Variants in ATP5MC2 observed in about 807,000 individuals in gnomAD.
The protein encoded by ATP5MC2 is ATP synthase membrane subunit c locus 2, also known as ATP synthase F(0) complex subunit C2, mitochondrial.
A neutral mutation model predicts 13.5 loss-of-function variants in ATP5MC2; 11 were observed. The ratio of observed to expected loss-of-function variants is 0.81; its 90% confidence interval spans 0.51 to 1.35. The LOEUF (loss-of-function observed/expected upper bound fraction) is 1.35, where lower values mean the gene tolerates loss of function less well. ATP5MC2 is among the 40% of genes most tolerant of loss of function. The pLI is 0.00. For synonymous variants in ATP5MC2, 64 were observed against 69.7 expected, an observed-to-expected ratio of 0.92 and a Z score of 0.41; for missense variants, 132 against 175.0, an observed-to-expected ratio of 0.75 and a Z score of 1.39.
chr12:53,671,792 G>A (rs772307293), intron 2 of ATP5MC2, among the ~76,000 whole-genome samples: 8 of 152,136 alleles, frequency 5.3e-5, no homozygotes, highest in Non-Finnish European at 1.2e-4. Context: ...AGCAATTTAG[G>A]AGGCCGAGGA....
chr12:53,672,107 T>TAAAAAAAAAAAA (rs1945116028), intron 2 of ATP5MC2, among the ~76,000 whole-genome samples: 1 of 78,248 alleles, frequency 1.3e-5, no homozygotes, highest in African/African-American at 6.1e-5. Context: ...AAAAAAAAAT[T>TAAAAAAAAAAAA]AACTGGCCGC....
At chr12:53,676,008 C>T in intron 1 of ATP5MC2, 45 bp downstream of exon 1, 2 of 1,598,622 alleles carry the variant, frequency 1.3e-6, no homozygotes, top group Middle Eastern at 2.1e-4. Context: ...AGGTGTCCCG[C>T]GCGCGTGCGC....
rs1197403098 is a variant in ATP5MC2, at chr12:53,665,374, G to A, written c.366C>T (p.Leu122=). 2 of 1,614,140 alleles carry A rather than the reference G, an allele frequency of 1.2e-6. No homozygotes were observed. Among genetic ancestry groups the A allele is most frequent in the East Asian group, 4.5e-5 (2 of 44,890 alleles). The stretch of plus-strand genomic sequence containing the variant: ...GACAAAAGAGCCCCATGGCCTCCGA[G>A]AGGGCAAAGCCCAGAATGGCGTAGG... ...LFSYAILGFA[L]SEAMGLFCLM... Residue 122 remains leucine, a synonymous_variant, in exon 5 of 5, where the codon CTC becomes CTT. Coordinates refer to ENST00000394349, the MANE Select transcript of ATP5MC2 (RefSeq NM_005176.7).
At chr12:53,668,385 C>T (rs1427313659) in intron 4 of ATP5MC2, among the ~76,000 whole-genome samples, 4 of 151,660 alleles carry the variant, frequency 2.6e-5, no homozygotes, top group Non-Finnish European at 5.9e-5. Flanking sequence ...CTCACTGCAA[C>T]CTCCACCTCC....
intron 4 of ATP5MC2, among the ~76,000 whole-genome samples, chr12:53,667,698 T>C (rs1009882215): frequency 1.2e-4 from 18 of 151,894 alleles, no homozygotes; most frequent in African/African-American, 4.1e-4. Flanking sequence ...GGTTTCACCA[T>C]GTTGGCCAGG....
upstream of ATP5MC2, among the ~76,000 whole-genome samples, chr12:53,680,041 G>A (rs538331396): frequency 1.3e-4 from 20 of 152,124 alleles, no homozygotes; most frequent in African/African-American, 1.9e-4. Context: ...GCTGGGGTGC[G>A]GTGACACGAT....
chr12:53,667,194 A>G (rs1373212668), intron 4 of ATP5MC2, among the ~76,000 whole-genome samples: 1 of 152,224 alleles, frequency 6.6e-6, no homozygotes, highest in Non-Finnish European at 1.5e-5. Context: ...AGACATTAAG[A>G]GAACTTCCTG....
At chr12:53,666,083 G>A (rs190635964) in intron 4 of ATP5MC2, among the ~76,000 whole-genome samples, 24 of 150,404 alleles carry the variant, frequency 1.6e-4, no homozygotes, top group African/African-American at 4.4e-4. Context: ...CAAAGCAGGC[G>A]GATCACTTGA....
intron 3 of ATP5MC2, 33 bp downstream of exon 3, chr12:53,669,838 C>T (rs1467815228): frequency 1.2e-6 from 2 of 1,611,632 alleles, no homozygotes; most frequent in Non-Finnish European, 1.7e-6. Context: ...CCATCACCCC[C>T]AAAACCACAG....
intron 4 of ATP5MC2, among the ~76,000 whole-genome samples, chr12:53,666,868 C>A (rs925894180): frequency 3.3e-5 from 5 of 151,034 alleles, no homozygotes; most frequent in Non-Finnish European, 7.4e-5. Flanking sequence ...ATCATTTGAA[C>A]CCGGGAGGCA....
chr12:53,675,994 G>A (rs1048710095), intron 1 of ATP5MC2, 59 bp downstream of exon 1: 5 of 1,589,884 alleles, frequency 3.1e-6, no homozygotes, highest in Non-Finnish European at 3.4e-6. Context: ...ATCCGCGCAA[G>A]GTGAGGTGTC....
chr12:53,680,920 G>A (rs917648573), upstream of ATP5MC2, among the ~76,000 whole-genome samples: 4 of 151,810 alleles, frequency 2.6e-5, no homozygotes, highest in Non-Finnish European at 5.9e-5. Flanking sequence ...TTATTTTTGT[G>A]GGGGAGGTGG....
intron 4 of ATP5MC2, among the ~76,000 whole-genome samples, chr12:53,667,956 C>CATATATATATATATATATATATAT (rs772110168): frequency 1.8e-4 from 12 of 67,362 alleles, no homozygotes; most frequent in Non-Finnish European, 3.1e-4. Context: ...CATACACACA[C>CATATATATATATATATATATATAT]ATATATATAT....
At chr12:53,676,323 T>TGGACTGCAGTTTGGTCTGTACCGC, upstream of ATP5MC2, 1 of 1,392,890 alleles carries the variant, frequency 7.2e-7, no homozygotes, top group Non-Finnish European at 9.7e-7. Flanking sequence ...ATCCGTAACG[T>TGGACTGCAGTTTGGTCTGTACCGC]GGACTGCGGT....
upstream of ATP5MC2, among the ~76,000 whole-genome samples, chr12:53,679,142 C>T (rs140996379): frequency 3.8e-4 from 57 of 151,250 alleles, no homozygotes; most frequent in African/African-American, 1.4e-3. Context: ...TTTCTTTGGA[C>T]AAGAAACCAT....
upstream of ATP5MC2, among the ~76,000 whole-genome samples, chr12:53,679,778 A>G (rs1350452197): frequency 6.6e-6 from 1 of 152,176 alleles, no homozygotes; most frequent in Non-Finnish European, 1.5e-5. Flanking sequence ...TTCCTTGCTA[A>G]ATCAATTCCC....
chr12:53,670,119 A>G (rs761078549), intron 2 of ATP5MC2, 171 bp from the exon 3 acceptor site: 9 of 669,952 alleles, frequency 1.3e-5, no homozygotes, highest in Non-Finnish European at 2.2e-5. Flanking sequence ...CAAAGTCTAA[A>G]TTAAAGAACC....
Position 53,672,616 on chromosome 12 carries a change from T to A in ATP5MC2, c.-2A>T, listed in dbSNP as rs199667143. The A allele has an allele frequency of 6.3e-7, 1 of 1,584,268 alleles. No individual in the cohort carries two copies. The highest frequency in any genetic ancestry group is 8.6e-7 in the Non-Finnish European group (1 of 1,165,010). On this transcript the variant is annotated 5_prime_UTR_variant, in exon 2 of 5. Coordinates refer to ENST00000394349, the MANE Select transcript of ATP5MC2 (RefSeq NM_005176.7). ...GACAAACTTGGAGCAGGCGAACATTTTCAGGGGGTGAGGAGCTGTGGCAGG... is the reference window on the plus strand; with the variant it reads ...GACAAACTTGGAGCAGGCGAACATTATCAGGGGGTGAGGAGCTGTGGCAGG...
At chr12:53,669,659 A>C (rs1385421090) in intron 3 of ATP5MC2, among the ~76,000 whole-genome samples, 4 of 152,242 alleles carry the variant, frequency 2.6e-5, no homozygotes. Flanking sequence ...GCAGCAGTGC[A>C]CAGGGGCATG....
Sources: allele counts gnomAD v4.1 joint callset (sites outside exome capture counted in the v4.1 genomes callset), GRCh38; gene constraint gnomAD v4.1.1; transcripts MANE v1.5; gene names NCBI Gene and HGNC (gene_info 2026-07-23, HGNC 2026-07-21).